The following PYY variants were observed in gnomAD, a reference collection of about 807,000 sequenced individuals.
PYY encodes the protein peptide YY.
A neutral mutation model predicts 10.3 loss-of-function variants in PYY; 12 were observed. The ratio of observed to expected loss-of-function variants is 1.17; its 90% CI spans 0.75 to 1.89. The LOEUF (loss-of-function observed/expected upper bound fraction) is 1.89, where lower values mean the gene tolerates loss of function less well. PYY is among the 40% of genes most tolerant of loss of function. The pLI is 0.00. For missense variants in PYY, 141 were observed against 134.0 expected, an observed-to-expected ratio of 1.05 and a Z score of -0.26; for synonymous variants, 66 against 62.0, an observed-to-expected ratio of 1.06 and a Z score of -0.30.
intron 1 of PYY, among the ~76,000 whole-genome samples, chr17:43,998,041 T>C (rs1274839594): frequency 6.6e-6 from 1 of 152,060 alleles, no homozygotes; most frequent in African/African-American, 2.4e-5. Context: ...CAGGTTCAAG[T>C]CATTCTCCTG....
At chr17:43,978,163 A>G (rs927397043) in intron 1 of PYY, among the ~76,000 whole-genome samples, 5 of 151,326 alleles carry the variant, frequency 3.3e-5, no homozygotes, top group Admixed American at 3.3e-4. Context: ...GCCACCAGAC[A>G]TAAGGGTGAC....
At chr17:44,002,835 G>T (rs548324004) in intron 1 of PYY, among the ~76,000 whole-genome samples, 2 of 152,252 alleles carry the variant, frequency 1.3e-5, no homozygotes, top group Admixed American at 1.3e-4. Context: ...GAAGTCCTTT[G>T]CATAGTGCCT....
intron 1 of PYY, among the ~76,000 whole-genome samples, chr17:43,998,385 G>A (rs1317997275): frequency 6.6e-6 from 1 of 151,904 alleles, no homozygotes; most frequent in Admixed American, 6.6e-5. Flanking sequence ...CGATGAAACC[G>A]TGTCTCTACT....
chr17:43,993,321 G>A (rs538310577), intron 1 of PYY, among the ~76,000 whole-genome samples: 7 of 152,210 alleles, frequency 4.6e-5, no homozygotes, highest in East Asian at 1.9e-4. Context: ...TTAGCCGGGC[G>A]TGGTGGTGGT....
chr17:43,978,643 C>T (rs918755809), intron 1 of PYY, among the ~76,000 whole-genome samples: 2 of 152,204 alleles, frequency 1.3e-5, no homozygotes, highest in East Asian at 1.9e-4. Context: ...ATTACACCCC[C>T]ACCCCAGTTT....
chr17:43,993,372 T>C (rs998274485), intron 1 of PYY, among the ~76,000 whole-genome samples: 4 of 150,450 alleles, frequency 2.7e-5, no homozygotes, highest in African/African-American at 9.8e-5. Context: ...GGCAGAAGAA[T>C]GGCGTGAACC....
At chr17:43,976,283 G>GTATATGTATACATGTATA (rs1456094848) in intron 1 of PYY, among the ~76,000 whole-genome samples, 1 of 87,196 alleles carries the variant, frequency 1.1e-5, no homozygotes, top group African/African-American at 5.3e-5. Context: ...GTATATATAC[G>GTATATGTATACATGTATA]CATATGTATA....
intron 1 of PYY, among the ~76,000 whole-genome samples, chr17:43,980,980 G>A (rs77174064): frequency 0.014 from 2,145 of 151,812 alleles, 58 homozygotes; most frequent in African/African-American, 0.049. Flanking sequence ...CTGTGGCTAC[G>A]AGCATTTCTT....
At chr17:43,969,087 G>A (rs1006273345) in intron 1 of PYY, among the ~76,000 whole-genome samples, 8 of 152,106 alleles carry the variant, frequency 5.3e-5, no homozygotes, top group African/African-American at 1.2e-4. Context: ...CAGTCTGGGC[G>A]ATAGGGTGTG....
chr17:43,964,413 A>C (rs1234768564), intron 2 of PYY, among the ~76,000 whole-genome samples: 1 of 152,206 alleles, frequency 6.6e-6, no homozygotes, highest in Non-Finnish European at 1.5e-5. Context: ...GACTAGAAAA[A>C]CATTGACATA....
chr17:43,956,378 G>T (rs911162973), upstream of PYY, among the ~76,000 whole-genome samples: 2 of 151,892 alleles, frequency 1.3e-5, no homozygotes, highest in African/African-American at 2.4e-5. Flanking sequence ...TTGTTGATTA[G>T]CGGGGAAAAT....
At chr17:43,990,580 C>A (rs764000067) in intron 1 of PYY, among the ~76,000 whole-genome samples, 16 of 152,010 alleles carry the variant, frequency 1.1e-4, no homozygotes, top group Non-Finnish European at 2.1e-4. Context: ...ACCGCAATTA[C>A]TTTTGCACCA....
rs538114121 is a variant in PYY, at chr17:43,986,982, G to T, written c.-463+17409C>A. Among the ~76,000 whole-genome samples the T allele has an allele frequency of 2.3e-3, 346 of 152,292 alleles. 2 individuals carry two copies. Among genetic ancestry groups the T allele is most frequent in the African/African-American group, 7.8e-3 (322 of 41,544 alleles). On this transcript the variant is annotated intron_variant, in intron 1 of 6. Coordinates refer to the PYY transcript ENST00000360085. ...GGAAACTGAGGCTCAGAGAGATTAT[G>T]CGACCTGCCCAAGTTCCTACAGCAA...
chr17:43,961,442 G>GCT (rs1254934431), intron 2 of PYY, among the ~76,000 whole-genome samples: 1 of 152,170 alleles, frequency 6.6e-6, no homozygotes, highest in African/African-American at 2.4e-5. Flanking sequence ...TGATGAGGAA[G>GCT]CTGCATTGCT....
At chr17:43,968,562 A>G (rs1481451256) in intron 1 of PYY, among the ~76,000 whole-genome samples, 1 of 152,228 alleles carries the variant, frequency 6.6e-6, no homozygotes, top group East Asian at 1.9e-4. Context: ...CTACAATCCC[A>G]GCATTTTGGG....
chr17:43,980,707 C>G (rs1487585339), intron 1 of PYY, among the ~76,000 whole-genome samples: 1 of 151,388 alleles, frequency 6.6e-6, no homozygotes, highest in East Asian at 2.0e-4. Flanking sequence ...CTCCTGACCT[C>G]TTGATCCACC....
chr17:43,972,142 T>A (rs2048797618), intron 1 of PYY, among the ~76,000 whole-genome samples: 1 of 151,530 alleles, frequency 6.6e-6, no homozygotes, highest in African/African-American at 2.4e-5. Flanking sequence ...ACCAACAAAA[T>A]GGTCAATTTT....
At chr17:43,956,419 C>CCT (rs1263000628), upstream of PYY, among the ~76,000 whole-genome samples, 1 of 114,762 alleles carries the variant, frequency 8.7e-6, no homozygotes, top group South Asian at 3.5e-4. Context: ...GGCTCAGCCA[C>CCT]CCCCCGATCC....
At chr17:43,963,582 G>GAAAGAAAAAC (rs535783368) in intron 2 of PYY, among the ~76,000 whole-genome samples, 1 of 73,806 alleles carries the variant, frequency 1.4e-5, no homozygotes, top group Non-Finnish European at 3.0e-5. Flanking sequence ...AAGAAAGAAA[G>GAAAGAAAAAC]AAAGAAAGAA....
Sources: gnomAD v4.1 joint callset for allele counts (sites outside exome capture counted in the v4.1 genomes callset) on GRCh38, gnomAD v4.1.1 for gene constraint, MANE v1.5 for transcripts, NCBI Gene and HGNC (gene_info 2026-07-23, HGNC 2026-07-21) for gene names.